Variants in ZNF444 observed in about 807,000 individuals in gnomAD.
ZNF444 encodes endothelial zinc finger protein 2.
In ZNF444, 8 loss-of-function variants were observed where a neutral mutation model predicts 14.4. The ratio of observed to expected loss-of-function variants is 0.56; its 90% CI spans 0.33 to 1.00. ZNF444 has a LOEUF of 1.00. Among genes scored for constraint, ZNF444 ranks in the 50% least tolerant of loss-of-function variants. The pLI is 0.03. For synonymous variants in ZNF444, 258 were observed against 235.9 expected, an observed-to-expected ratio of 1.09 and a Z score of -0.86; for missense variants, 510 against 504.8, an observed-to-expected ratio of 1.01 and a Z score of -0.10.
chr19:56,147,290 A>C lies in ZNF444; in HGVS notation c.297+82A>C. ...ACCAGGAAGCCCAGGGAGGAGCACC[A>C]CTGAACCCCTGAAAACCAGTGTGAC... On this transcript the variant is annotated intron_variant, in intron 3 of 4. Coordinates refer to ENST00000337080, the MANE Select transcript of ZNF444 (RefSeq NM_018337.4). This position sits in a 1 kb window ranked among gnomAD's most constrained non-coding sequence, Gnocchi z 5.9. 7.4e-7 allele frequency: 1 copy of C among 1,359,860 alleles called. No homozygotes were observed. The allele number at this position is 1,359,860 out of a possible 1,614,324, so 84.2% of individuals were successfully genotyped here. A position where few individuals can be genotyped will look rare whatever the true frequency, so the allele number is the denominator to read the frequency against.
intron 1 of ZNF444, among the ~76,000 whole-genome samples, chr19:56,136,205 GA>G (rs2030608059): frequency 6.6e-6 from 1 of 151,430 alleles, no homozygotes; most frequent in African/African-American, 2.4e-5. Context: ...CCATTCAAGT[GA>G]AGACGCCGAT....
At chr19:56,155,822 G>A (rs948483270) in intron 3 of ZNF444, 4 of 152,178 alleles carry the variant, frequency 2.6e-5, no homozygotes, top group African/African-American at 7.2e-5. Context: ...CTCACATACC[G>A]AACAAGCAAT....
chr19:56,150,619 A>G, intron 3 of ZNF444: 3 of 451,806 alleles, frequency 6.6e-6, no homozygotes, highest in Admixed American at 2.4e-5. Flanking sequence ...ATTTCCAGCA[A>G]TGATACAACA....
At position 56,145,674 on chromosome 19, in the gene ZNF444, C is replaced by T. The variant is rs1199575204; in HGVS notation, c.-196-573C>T. On this transcript the variant is annotated intron_variant, in intron 1 of 4. Coordinates refer to ENST00000337080, the MANE Select transcript of ZNF444 (RefSeq NM_018337.4). The surrounding 1 kb of genome is among the most constrained non-coding windows in gnomAD (Gnocchi z 4.3). ...ATGGGAGGACACAAAAGGAGGCCGT[C>T]GGCAGCCTGGAAGAGGTGCTCACCA... 3.3e-5 allele frequency among the ~76,000 whole-genome samples: 5 copies of T among 152,186 alleles called. No individual in the cohort carries two copies. The highest frequency in any genetic ancestry group is 4.8e-5 in the African/African-American group (2 of 41,458).
chr19:56,154,922 T>G (rs2031814290), intron 3 of ZNF444: 1 of 152,204 alleles, frequency 6.6e-6, no homozygotes, highest in South Asian at 2.1e-4. Flanking sequence ...AGTCTCTCAG[T>G]TAAAGTACAC....
At chr19:56,141,198 G>A (rs3745837), upstream of ZNF444, 6,970 of 150,582 alleles carry the variant, frequency 0.046, 284 homozygotes, top group East Asian at 0.16. Context: ...GGGGCTTCAT[G>A]GGGAGTTGTT....
At chr19:56,137,082 C>T (rs1248775076), upstream of ZNF444, among the ~76,000 whole-genome samples, 6 of 151,592 alleles carry the variant, frequency 4.0e-5, no homozygotes, top group South Asian at 2.1e-4. Context: ...TGTGCCCAGC[C>T]GAGAATCTGC....
At chr19:56,159,513 A>T in intron 4 of ZNF444, 111 bp from the exon 5 acceptor site, 1 of 960,086 alleles carries the variant, frequency 1.0e-6, no homozygotes, top group Non-Finnish European at 1.5e-6. Context: ...CCCTCTTCCC[A>T]CCCCAATGGT....
In ZNF444 at chr19:56,160,413, G is replaced by GC. The variant is rs558937136; in HGVS notation, c.*220dup. On this transcript the variant is annotated 3_prime_UTR_variant, in exon 5 of 5. Coordinates refer to ENST00000337080, the MANE Select transcript of ZNF444 (RefSeq NM_018337.4). ...ACTTTCCTTCTCAGGTCTCACCTCA[G>GC]CCCCCCCCTTCTCCCTGATTTCTCG... 967 of 479,706 alleles carry GC rather than the reference G, an allele frequency of 2.0e-3. 1 individual carries two copies. Among genetic ancestry groups the GC allele is most frequent in the Admixed American group, 4.5e-3 (103 of 22,862 alleles). The allele number at this position is 479,706 out of a possible 1,614,324, so 29.7% of individuals were successfully genotyped here. A position where few individuals can be genotyped will look rare whatever the true frequency, so the allele number is the denominator to read the frequency against.
intron 4 of ZNF444, among the ~76,000 whole-genome samples, chr19:56,158,946 C>G (rs2032080819): frequency 6.6e-6 from 1 of 151,890 alleles, no homozygotes; most frequent in Non-Finnish European, 1.5e-5. Context: ...CCAATCCCAC[C>G]ATCCCTCTGT....
At chr19:56,138,230 AAC>A (rs2030655664), upstream of ZNF444, among the ~76,000 whole-genome samples, 1 of 152,216 alleles carries the variant, frequency 6.6e-6, no homozygotes, top group Non-Finnish European at 1.5e-5. Context: ...CATACACTAC[AAC>A]ATGGATTAAC....
chr19:56,159,810 G>C lies in ZNF444; in HGVS notation c.593G>C (p.Arg198Pro), dbSNP rs1442039630. 1 of 1,583,592 alleles carries C rather than the reference G, an allele frequency of 6.3e-7. No individual in the cohort carries two copies. The highest frequency in any genetic ancestry group is 1.1e-5 in the South Asian group (1 of 87,814). ...SLKPAHLLRH[R>P]QSHSGEKPHA... ...AAACCAGCTCACCTGCTGCGCCACC[G>C]GCAGAGCCACTCGGGCGAGAAGCCG... Residue 198 changes from arginine (R) to proline (P), a missense_variant, in exon 5 of 5, where the codon CGG (arginine) becomes CCG (proline). Physicochemically the swap from Arg to Pro is moderately radical, Grantham distance 103. Coordinates refer to ENST00000337080, the MANE Select transcript of ZNF444 (RefSeq NM_018337.4).
rs762700871 is a variant in ZNF444, at chr19:56,145,115, C to T, written c.-196-1132C>T. ...AGTAAAACAGGCTGCAGGCCAGATT[C>T]GGCCCACCAGCTCAGAGACCACCAT... is the stretch of plus-strand genomic sequence containing the variant. On this transcript the variant is annotated intron_variant, in intron 1 of 4. Transcript: ENST00000337080. The surrounding 1 kb of genome is among the most constrained non-coding windows in gnomAD (Gnocchi z 4.3). 1.4e-4 allele frequency among the ~76,000 whole-genome samples: 21 copies of T among 152,332 alleles called. No homozygotes were observed. The highest frequency in any genetic ancestry group is 2.4e-4 in the Non-Finnish European group (16 of 68,028).
Position 56,160,473 on chromosome 19 carries a change from T to G in ZNF444, c.*272T>G. 3 of 392,794 alleles carry G rather than the reference T, an allele frequency of 7.6e-6. No homozygotes were observed. Among genetic ancestry groups the G allele is most frequent in the Non-Finnish European group, 4.5e-6 (1 of 220,176 alleles). 24.3% of individuals were successfully genotyped at this position (392,794 alleles called of 1,614,324 possible). On this transcript the variant is annotated 3_prime_UTR_variant, in exon 5 of 5. Coordinates refer to ENST00000337080, the MANE Select transcript of ZNF444 (RefSeq NM_018337.4). ...TCTGTGTGAAGGGGCCTCTCCCTAATGTCTCCTCCTTCCCCCCTCTTCTCT... is the reference window on the plus strand; with the variant it reads ...TCTGTGTGAAGGGGCCTCTCCCTAAGGTCTCCTCCTTCCCCCCTCTTCTCT...
intron 1 of ZNF444, among the ~76,000 whole-genome samples, chr19:56,134,044 A>T (rs2030554961): frequency 6.6e-6 from 1 of 151,800 alleles, no homozygotes; most frequent in Admixed American, 6.6e-5. Flanking sequence ...TCCATACGCC[A>T]TCCCCCCTTC....
intron 3 of ZNF444, chr19:56,156,500 G>A (rs1568562308): frequency 6.6e-6 from 1 of 152,190 alleles, no homozygotes; most frequent in South Asian, 2.1e-4. Context: ...GAAGGGGGGT[G>A]TTATGGCCCA....
At chr19:56,132,734 T>C (rs1441618544) in exon 1 of ZNF444, 2 of 152,064 alleles carry the variant, frequency 1.3e-5, no homozygotes, top group Admixed American at 1.3e-4. Flanking sequence ...CGAGATACAG[T>C]TGGGAAGAAT....
At chr19:56,137,035 G>A (rs1335522760), upstream of ZNF444, among the ~76,000 whole-genome samples, 2 of 150,956 alleles carry the variant, frequency 1.3e-5, no homozygotes, top group East Asian at 2.0e-4. Flanking sequence ...CACCTGCCTC[G>A]GCCTCCCAAA....
At chr19:56,141,785 C>T (rs2030837534) in intron 1 of ZNF444, 1 of 151,796 alleles carries the variant, frequency 6.6e-6, no homozygotes, top group South Asian at 2.1e-4. Context: ...GACCGGACCC[C>T]TTCGGAAAGG....
Sources: allele counts gnomAD v4.1 joint callset (sites outside exome capture counted in the v4.1 genomes callset), GRCh38; gene constraint gnomAD v4.1.1; non-coding constraint Gnocchi (gnomAD v3.1); transcripts MANE v1.5; gene names NCBI Gene and HGNC (gene_info 2026-07-23, HGNC 2026-07-21).